The following ANP32A variants were observed in gnomAD, a reference collection of about 807,000 sequenced individuals.
ANP32A encodes acidic nuclear phosphoprotein 32 family member A.
A neutral mutation model predicts 33.9 loss-of-function variants in ANP32A; 1 was observed. The ratio of observed to expected loss-of-function variants is 0.03; its 90% CI spans 0.01 to 0.14. The LOEUF (loss-of-function observed/expected upper bound fraction) is 0.14, where lower values mean the gene tolerates loss of function less well. ANP32A is among the 10% of genes least tolerant of loss of function. The pLI is 1.00. For missense variants in ANP32A, 155 were observed against 306.0 expected, an observed-to-expected ratio of 0.51 and a Z score of 3.68; for synonymous variants, 115 against 120.5, an observed-to-expected ratio of 0.95 and a Z score of 0.30.
At chr15:68,796,270 A>G (rs941875937) in intron 1 of ANP32A, among the ~76,000 whole-genome samples, 3 of 152,008 alleles carry the variant, frequency 2.0e-5, no homozygotes, top group Admixed American at 6.6e-5. Context: ...CAGGAGAGAC[A>G]GGGTTTCACC....
Position 68,780,091 on chromosome 15 carries a change from T to A in ANP32A, c.740A>T (p.Asp247Val). Residue 247 changes from aspartate to valine, a missense_variant, in exon 7 of 7, where the codon GAT becomes GTT. Asp to Val is a radical substitution (Grantham distance 152). This residue lies in a region of ANP32A where 63 missense variants were observed against 82.8 expected (regional missense o/e 0.76). Coordinates refer to ENST00000465139, the MANE Select transcript of ANP32A (RefSeq NM_006305.4). The surrounding 1 kb of genome is among the most constrained non-coding windows in gnomAD (Gnocchi z 4.3). Reference sequence around the variant, plus strand: ...AATAGGTTATTCCACTTAGTCATCATCTTCTCCCTCATCTTCAGGTTCTCG... The same window carrying A: ...AATAGGTTATTCCACTTAGTCATCAACTTCTCCCTCATCTTCAGGTTCTCG... ...RKREPEDEGE[D>V]DD 2 of 1,613,684 alleles carry A rather than the reference T, an allele frequency of 1.2e-6. No individual in the cohort carries two copies. The highest frequency in any genetic ancestry group is 1.7e-6 in the Non-Finnish European group (2 of 1,179,686).
In ANP32A at chr15:68,820,812, A is replaced by G; in HGVS notation, c.-61T>C. On this transcript the variant is annotated 5_prime_UTR_variant, in exon 1 of 7. Transcript: ENST00000465139. ...GGCGGAATTCAATCAATAAACCCCG[A>G]ACCCACGGCCGCGCGTTTTAGGACT... 1 of 1,601,282 alleles carries G rather than the reference A, an allele frequency of 6.2e-7. No individual in the cohort carries two copies. Among genetic ancestry groups the G allele is most frequent in the Non-Finnish European group, 8.6e-7 (1 of 1,169,212 alleles).
intron 1 of ANP32A, among the ~76,000 whole-genome samples, chr15:68,788,881 T>C (rs778683851): frequency 7.2e-5 from 11 of 152,138 alleles, no homozygotes; most frequent in Non-Finnish European, 1.2e-4. Flanking sequence ...TTATTTCTAA[T>C]GAGGTAGAAA....
rs1893850663 is a variant in ANP32A, at chr15:68,780,284, A to T, written c.688+126T>A. ...CGAGGCAAGACATCTGCACAGCTGG[A>T]AGGGGAATCTGAGGCCTCTGACAGG... On this transcript the variant is annotated intron_variant, in intron 6 of 6. Transcript: ENST00000465139. This position sits in a 1 kb window ranked among gnomAD's most constrained non-coding sequence, Gnocchi z 4.3. 2.6e-6 allele frequency: 4 copies of T among 1,567,258 alleles called. No individual in the cohort carries two copies. Among genetic ancestry groups the T allele is most frequent in the Middle Eastern group, 1.7e-4 (1 of 5,858 alleles).
intron 1 of ANP32A, among the ~76,000 whole-genome samples, chr15:68,818,749 C>T (rs1000181224): frequency 6.6e-6 from 1 of 151,926 alleles, no homozygotes; most frequent in African/African-American, 2.4e-5. Flanking sequence ...GCGGCGACCC[C>T]GGCCCCGCGC....
intron 4 of ANP32A, among the ~76,000 whole-genome samples, 158 bp from the exon 5 acceptor site, chr15:68,783,211 A>T (rs1008872298): frequency 3.9e-5 from 6 of 152,146 alleles, no homozygotes; most frequent in African/African-American, 1.2e-4. Flanking sequence ...TCATGAAAAC[A>T]GTGCTGACAT....
intron 1 of ANP32A, chr15:68,801,745 A>G (rs1486073061): frequency 6.5e-6 from 1 of 154,646 alleles, no homozygotes; most frequent in African/African-American, 2.4e-5. Context: ...ATTAAACTGT[A>G]GCACTTTGCC....
intron 1 of ANP32A, among the ~76,000 whole-genome samples, chr15:68,805,695 C>T (rs1203292996): frequency 6.6e-6 from 1 of 152,160 alleles, no homozygotes; most frequent in Non-Finnish European, 1.5e-5. Context: ...GATCAGATAT[C>T]CTAAGTTCCA....
At chr15:68,814,265 T>C (rs938629635) in intron 1 of ANP32A, among the ~76,000 whole-genome samples, 1 of 151,896 alleles carries the variant, frequency 6.6e-6, no homozygotes, top group South Asian at 2.1e-4. Context: ...TTTCCAATGG[T>C]ATTGAAGAAG....
chr15:68,785,722 G>A (rs1441145796), intron 3 of ANP32A, among the ~76,000 whole-genome samples: 2 of 152,170 alleles, frequency 1.3e-5, no homozygotes, highest in South Asian at 2.1e-4. Flanking sequence ...AGACACGTGT[G>A]ATCTGGGCAG....
chr15:68,801,761 GCTCCAGAACAGT>G (rs1480642675), intron 1 of ANP32A: 4 of 154,672 alleles, frequency 2.6e-5, no homozygotes, highest in Non-Finnish European at 4.4e-5. Flanking sequence ...TTGCCAGAAT[GCTCCAGAACAGT>G]CTCTCTTCAC....
intron 1 of ANP32A, chr15:68,791,400 G>A (rs1414343068): frequency 1.3e-5 from 2 of 152,306 alleles, no homozygotes; most frequent in Non-Finnish European, 2.9e-5. Context: ...GACGGGTAAG[G>A]AAAGGGATCA....
At chr15:68,791,984 C>A (rs1894003433) in intron 1 of ANP32A, 1 of 152,812 alleles carries the variant, frequency 6.5e-6, no homozygotes, top group African/African-American at 2.4e-5. Context: ...ATGAGGGCCA[C>A]ACTTTCCTAG....
At chr15:68,799,639 C>T (rs182686948) in intron 1 of ANP32A, among the ~76,000 whole-genome samples, 17 of 152,270 alleles carry the variant, frequency 1.1e-4, no homozygotes, top group South Asian at 2.1e-4. Context: ...GATGAGCCAT[C>T]GAAGGCTGTG....
intron 1 of ANP32A, among the ~76,000 whole-genome samples, chr15:68,818,590 C>T (rs1394591238): frequency 6.6e-6 from 1 of 151,904 alleles, no homozygotes; most frequent in African/African-American, 2.4e-5. Context: ...GAAATCGCTC[C>T]CAGTACGGCG....
At chr15:68,795,360 G>A (rs1303603742) in intron 1 of ANP32A, among the ~76,000 whole-genome samples, 1 of 152,194 alleles carries the variant, frequency 6.6e-6, no homozygotes, top group Admixed American at 6.5e-5. Flanking sequence ...AAGGCAGGCG[G>A]GGAGCACATG....
intron 1 of ANP32A, among the ~76,000 whole-genome samples, chr15:68,807,427 CG>C (rs35282881): frequency 0.082 from 9,472 of 115,488 alleles, 594 homozygotes; most frequent in East Asian, 0.19. Context: ...CCACAGAAAA[CG>C]GGGGGGGGGG....
At chr15:68,811,211 T>C (rs556324707) in intron 1 of ANP32A, among the ~76,000 whole-genome samples, 41 of 151,716 alleles carry the variant, frequency 2.7e-4, no homozygotes, top group Non-Finnish European at 4.1e-4. Context: ...ATGGAGAAGA[T>C]AGACAATTCA....
intron 5 of ANP32A, among the ~76,000 whole-genome samples, chr15:68,781,997 C>T (rs138241699): frequency 6.6e-6 from 1 of 152,150 alleles, no homozygotes. Flanking sequence ...GTGTGGCAAG[C>T]GGATGTGTCT....
Sources: gnomAD v4.1 joint callset for allele counts (sites outside exome capture counted in the v4.1 genomes callset) on GRCh38, gnomAD v4.1.1 for gene constraint, gnomAD v4.1.1 regional missense constraint, Gnocchi (gnomAD v3.1) non-coding constraint, MANE v1.5 for transcripts, NCBI Gene and HGNC (gene_info 2026-07-23, HGNC 2026-07-21) for gene names.